AOAH: variants seen among roughly 807,000 people sequenced by gnomAD.
AOAH encodes the protein acyloxyacyl hydrolase.
In AOAH, 64 loss-of-function variants were observed where a neutral mutation model predicts 92.2. That is an observed-to-expected ratio of 0.69 (90% CI 0.57 to 0.86). The LOEUF is 0.86. Ranked by LOEUF, AOAH falls within the 40% of genes least tolerant of loss-of-function variation. The probability of loss-of-function intolerance (pLI) is 0.00; values close to 1 mark genes in which losing one functional copy is unlikely to be tolerated. For missense variants in AOAH, 656 were observed against 694.6 expected (o/e 0.94, Z 0.62); for synonymous variants, 263 against 254.5 (o/e 1.03, Z -0.32).
chr7:36,693,234 T>A (rs762877795), intron 1 of AOAH, among the ~76,000 whole-genome samples: 1 of 152,214 alleles, frequency 6.6e-6, no homozygotes, highest in Non-Finnish European at 1.5e-5. Context: ...CACATTTTAA[T>A]GGATATCAAG....
intron 12 of AOAH, among the ~76,000 whole-genome samples, chr7:36,580,307 T>C (rs1485916084): frequency 1.3e-5 from 2 of 152,334 alleles, no homozygotes; most frequent in East Asian, 3.9e-4. Flanking sequence ...GATAATATCC[T>C]CAACTTTATT....
intron 11 of AOAH, among the ~76,000 whole-genome samples, chr7:36,611,349 C>G (rs1238451008): frequency 6.6e-6 from 1 of 152,132 alleles, no homozygotes; most frequent in African/African-American, 2.4e-5. Context: ...TCTCATCAGC[C>G]CATTCTCACA....
At chr7:36,702,110 G>A (rs1043367322) in intron 1 of AOAH, among the ~76,000 whole-genome samples, 5 of 152,144 alleles carry the variant, frequency 3.3e-5, no homozygotes, top group African/African-American at 1.2e-4. Flanking sequence ...ATATCTATAA[G>A]TGTTATAAAT....
intron 5 of AOAH, among the ~76,000 whole-genome samples, chr7:36,633,931 T>A (rs1239023048): frequency 6.6e-6 from 1 of 152,116 alleles, no homozygotes; most frequent in Non-Finnish European, 1.5e-5. Context: ...GACCCCCAGA[T>A]GCCCGCCGCA....
At chr7:36,606,859 G>C in intron 11 of AOAH, among the ~76,000 whole-genome samples, 1 of 152,154 alleles carries the variant, frequency 6.6e-6, no homozygotes, top group East Asian at 1.9e-4. Context: ...GGCGTGAGAA[G>C]GTCGATTTGA....
chr7:36,646,195 CTT>C (rs1395782102), intron 4 of AOAH, among the ~76,000 whole-genome samples: 2 of 152,166 alleles, frequency 1.3e-5, no homozygotes, highest in Admixed American at 1.3e-4. Context: ...TTTGTACTAA[CTT>C]TGCAAAATAG....
intron 4 of AOAH, among the ~76,000 whole-genome samples, chr7:36,642,767 T>C (rs1793995855): frequency 6.6e-6 from 1 of 152,226 alleles, no homozygotes; most frequent in Non-Finnish European, 1.5e-5. Context: ...GATTAAACCA[T>C]TTGGATGTGA....
Position 36,594,323 on chromosome 7 carries a change from G to T in AOAH, c.938+16C>A. 6.3e-7 allele frequency: 1 copy of T among 1,593,690 alleles called. No individual in the cohort carries two copies. Among genetic ancestry groups the T allele is most frequent in the Non-Finnish European group, 8.6e-7 (1 of 1,161,520 alleles). ...CAGAGGTATTGAAATGTCTGAGGGT[G>T]CACAAAGACACTTACCCAACAGTGG... On this transcript the variant is annotated intron_variant, in intron 12 of 20. Coordinates refer to ENST00000617537, the MANE Select transcript of AOAH (RefSeq NM_001637.4).
intron 5 of AOAH, among the ~76,000 whole-genome samples, chr7:36,632,543 A>G (rs1271577015): frequency 6.6e-6 from 1 of 152,220 alleles, no homozygotes; most frequent in Non-Finnish European, 1.5e-5. Flanking sequence ...CCCACAGAGG[A>G]GAGAGGTGCA....
chr7:36,687,725 C>G (rs1032687640), intron 1 of AOAH, among the ~76,000 whole-genome samples: 1 of 152,054 alleles, frequency 6.6e-6, no homozygotes. Flanking sequence ...TTCCAAGGAG[C>G]CTGGGCCAGC....
intron 11 of AOAH, among the ~76,000 whole-genome samples, chr7:36,596,119 T>C (rs1790092714): frequency 6.6e-6 from 1 of 152,156 alleles, no homozygotes; most frequent in Non-Finnish European, 1.5e-5. Context: ...TGGGTTTGTT[T>C]TAGAAATGCA....
intron 11 of AOAH, among the ~76,000 whole-genome samples, chr7:36,611,481 G>C (rs569469420): frequency 3.9e-5 from 6 of 152,158 alleles, no homozygotes; most frequent in African/African-American, 1.2e-4. Flanking sequence ...AGATGAAAAC[G>C]ATTACAATCT....
In AOAH at chr7:36,611,257, T is replaced by C. The variant is rs548598319; in HGVS notation, c.846+5123A>G. ...TGACAAAATGATGCTGAAACTGTAGTGTTGTTCCTCCTACCCGTAGTGTTA... is the reference window on the plus strand; with the variant it reads ...TGACAAAATGATGCTGAAACTGTAGCGTTGTTCCTCCTACCCGTAGTGTTA... On this transcript the variant is annotated intron_variant, in intron 11 of 20. Transcript: ENST00000617537. 3.9e-5 allele frequency among the ~76,000 whole-genome samples: 6 copies of C among 152,258 alleles called. No individual in the cohort carries two copies. The East Asian group carries it at 1.2e-3, about 29-fold the overall frequency.
Position 36,724,025 on chromosome 7 carries a change from C to T in AOAH, c.124G>A (p.Val42Ile), listed in dbSNP as rs1799815655. ...RPSLSNGHTC[V>I]GCVLVVSVIE... ...ACAAAAATATTTATTTGCATACCTA[C>T]ACAGGTGTGCCCATTCGAGAGGCTG... Residue 42 changes from valine to isoleucine, a missense_variant, in exon 1 of 21, where the codon GTA (valine) becomes ATA (isoleucine). By Grantham distance (29) the Val-to-Ile change is conservative. Transcript: ENST00000617537. 1 of 1,613,242 alleles carries T rather than the reference C, an allele frequency of 6.2e-7. No homozygotes were observed. The highest frequency in any genetic ancestry group is 8.5e-7 in the Non-Finnish European group (1 of 1,179,512).
chr7:36,580,277 AC>A (rs1329589428), intron 12 of AOAH, among the ~76,000 whole-genome samples: 2 of 151,660 alleles, frequency 1.3e-5, no homozygotes, highest in Non-Finnish European at 2.9e-5. Context: ...CATGTCATGG[AC>A]CTTTTTCTCC....
intron 1 of AOAH, among the ~76,000 whole-genome samples, chr7:36,707,096 T>G (rs1798466053): frequency 6.6e-6 from 1 of 152,130 alleles, no homozygotes; most frequent in Non-Finnish European, 1.5e-5. Context: ...ATCTTGGCTT[T>G]AGACATGCCT....
chr7:36,620,528 A>G (rs1354660936), intron 9 of AOAH, among the ~76,000 whole-genome samples: 2 of 152,248 alleles, frequency 1.3e-5, no homozygotes, highest in Non-Finnish European at 2.9e-5. Context: ...TCAAAACAGT[A>G]TAAAGGGATT....
chr7:36,571,427 C>G (rs1788141988), intron 13 of AOAH, among the ~76,000 whole-genome samples: 1 of 152,342 alleles, frequency 6.6e-6, no homozygotes, highest in South Asian at 2.1e-4. Context: ...TCTCCAGCCC[C>G]TTCCAATCCT....
intron 3 of AOAH, among the ~76,000 whole-genome samples, chr7:36,668,664 TC>T (rs1373650127): frequency 1.1e-4 from 16 of 152,316 alleles, no homozygotes; most frequent in Admixed American, 6.5e-4. Flanking sequence ...TTTTTGTATT[TC>T]TAGTAGAGAC....
Sources: gnomAD v4.1 joint callset for allele counts (sites outside exome capture counted in the v4.1 genomes callset) on GRCh38, gnomAD v4.1.1 for gene constraint, MANE v1.5 for transcripts, NCBI Gene and HGNC (gene_info 2026-07-23, HGNC 2026-07-21) for gene names.